Variants in MTMR6 observed in about 807,000 individuals in gnomAD.
The protein encoded by MTMR6 is phosphatidylinositol-3,5-bisphosphate 3-phosphatase MTMR6.
In MTMR6, 47 loss-of-function variants were observed where a neutral mutation model predicts 80.1. The ratio of observed to expected loss-of-function variants is 0.59; its 90% CI spans 0.46 to 0.75. The LOEUF is 0.75. Ranked by LOEUF, MTMR6 falls within the 30% of genes least tolerant of loss-of-function variation. The pLI, the probability that MTMR6 is intolerant of heterozygous loss-of-function variation, is 0.00. For missense variants in MTMR6, 629 were observed against 730.9 expected (o/e 0.86, Z 1.61); for synonymous variants, 254 against 253.0 (o/e 1.00, Z -0.04).
chr13:25,277,880 T>TC (rs1957759241), intron 1 of MTMR6, among the ~76,000 whole-genome samples: 1 of 152,214 alleles, frequency 6.6e-6, no homozygotes, highest in East Asian at 1.9e-4. Flanking sequence ...GTGAAAATGC[T>TC]CTTTCCAACA....
At chr13:25,270,999 C>T (rs1957562391) in intron 2 of MTMR6, among the ~76,000 whole-genome samples, 1 of 152,130 alleles carries the variant, frequency 6.6e-6, no homozygotes, top group Non-Finnish European at 1.5e-5. Context: ...ATCTAAGACT[C>T]ACAAAAGCCC....
chr13:25,267,695 T>C (rs1358739090), intron 3 of MTMR6, 84 bp downstream of exon 3: 11 of 1,374,062 alleles, frequency 8.0e-6, no homozygotes, highest in Non-Finnish European at 1.1e-5. Flanking sequence ...AAGGATAAAA[T>C]AACAATAATA....
chr13:25,250,489 G>A (rs1158414720), intron 13 of MTMR6, among the ~76,000 whole-genome samples: 1 of 152,074 alleles, frequency 6.6e-6, no homozygotes, highest in Admixed American at 6.5e-5. Flanking sequence ...AGGCAAATAT[G>A]CCAACAGAAA....
At chr13:25,254,166 CAAAAGGAAGGTAATAA>C (rs1439082014) in intron 10 of MTMR6, among the ~76,000 whole-genome samples, 1 of 151,966 alleles carries the variant, frequency 6.6e-6, no homozygotes, top group Non-Finnish European at 1.5e-5. Flanking sequence ...AAATGCAGCC[CAAAAGGAAGGTAATAA>C]ATAGTCATGA....
rs142754692 is a variant in MTMR6, at chr13:25,253,142, G to A, written c.1346+622C>T. Among the ~76,000 whole-genome samples the A allele has an allele frequency of 1.8e-3, 275 of 152,142 alleles. 3 individuals are homozygous for A. The highest frequency in any genetic ancestry group is 5.9e-3 in the African/African-American group (243 of 41,522). On this transcript the variant is annotated intron_variant, in intron 11 of 13. Coordinates refer to ENST00000381801, the MANE Select transcript of MTMR6 (RefSeq NM_004685.5). The stretch of plus-strand genomic sequence containing the variant: ...GCAAAAACCCCTATCCCCGAAGACT[G>A]GTCAGGAAATAACATGAACTAGGGT...
At position 25,262,125 on chromosome 13, in the gene MTMR6, T is replaced by A. The variant is rs75356591; in HGVS notation, c.592-323A>T. On this transcript the variant is annotated intron_variant, in intron 5 of 13. Coordinates refer to ENST00000381801, the MANE Select transcript of MTMR6 (RefSeq NM_004685.5). ...TCTGCGCTCCATTTAGATTACAGGATCCTTCCAACTGAAGTTCAAGTAAAA... is the reference window on the plus strand; with the variant it reads ...TCTGCGCTCCATTTAGATTACAGGAACCTTCCAACTGAAGTTCAAGTAAAA... Among the ~76,000 whole-genome samples, 747 of 152,276 alleles carry A rather than the reference T, an allele frequency of 4.9e-3. 31 individuals carry two copies. In the East Asian group the frequency reaches 0.092, roughly 19 times the overall value.
chr13:25,276,111 C>T (rs566037702), intron 1 of MTMR6, among the ~76,000 whole-genome samples: 1 of 152,094 alleles, frequency 6.6e-6, no homozygotes, highest in Non-Finnish European at 1.5e-5. Context: ...CTTCATTGTG[C>T]GTGACTTGGC....
intron 6 of MTMR6, chr13:25,260,689 T>C (rs1004299328): frequency 1.6e-6 from 2 of 1,254,068 alleles, no homozygotes; most frequent in Admixed American, 3.0e-5. Flanking sequence ...CATGCGACGC[T>C]ATAACAAAAA....
At chr13:25,285,824 G>A (rs1275001242) in intron 1 of MTMR6, among the ~76,000 whole-genome samples, 3 of 152,202 alleles carry the variant, frequency 2.0e-5, no homozygotes, top group East Asian at 1.9e-4. Flanking sequence ...GTGAGCCACC[G>A]TGCCCAGCCT....
intron 6 of MTMR6, among the ~76,000 whole-genome samples, chr13:25,258,977 G>A (rs946478628): frequency 3.7e-4 from 57 of 152,250 alleles, no homozygotes; most frequent in African/African-American, 1.3e-3. Flanking sequence ...CCATATGTTT[G>A]TAATATTTTA....
At chr13:25,259,246 C>T (rs1490534995) in intron 6 of MTMR6, among the ~76,000 whole-genome samples, 1 of 152,138 alleles carries the variant, frequency 6.6e-6, no homozygotes, top group Non-Finnish European at 1.5e-5. Context: ...TATCCTGATA[C>T]ATCTCTGAGA....
At chr13:25,256,078 A>C (rs1037048450) in intron 9 of MTMR6, among the ~76,000 whole-genome samples, 1 of 152,166 alleles carries the variant, frequency 6.6e-6, no homozygotes, top group African/African-American at 2.4e-5. Flanking sequence ...AAGAGGGGAA[A>C]GCCCCATTCC....
At chr13:25,264,386 C>A (rs1165397806) in intron 5 of MTMR6, among the ~76,000 whole-genome samples, 2 of 151,986 alleles carry the variant, frequency 1.3e-5, no homozygotes, top group Non-Finnish European at 2.9e-5. Context: ...AGGAAATTAT[C>A]AAAGAAATAG....
chr13:25,263,735 A>G (rs1957390839), intron 5 of MTMR6, among the ~76,000 whole-genome samples: 1 of 152,034 alleles, frequency 6.6e-6, no homozygotes. Flanking sequence ...AAAATATAAA[A>G]ATTAGCCAGG....
At chr13:25,276,873 ACTC>A (rs984801372) in intron 1 of MTMR6, among the ~76,000 whole-genome samples, 13 of 152,060 alleles carry the variant, frequency 8.5e-5, no homozygotes, top group African/African-American at 2.9e-4. Flanking sequence ...AATTTTCACA[ACTC>A]CTGTGTAGTA....
intron 3 of MTMR6, among the ~76,000 whole-genome samples, chr13:25,267,452 C>T (rs1957483516): frequency 6.6e-6 from 1 of 152,138 alleles, no homozygotes; most frequent in Non-Finnish European, 1.5e-5. Context: ...AAGTCATTCT[C>T]TTTGATTGTG....
intron 1 of MTMR6, among the ~76,000 whole-genome samples, chr13:25,285,477 A>G (rs1957937407): frequency 7.4e-6 from 1 of 134,504 alleles, no homozygotes; most frequent in Non-Finnish European, 1.5e-5. Context: ...GGCTCAAGCC[A>G]TCCTCCCATC....
At chr13:25,271,911 GTATGCTCTACTTGA>G (rs1416657037) in intron 2 of MTMR6, among the ~76,000 whole-genome samples, 1 of 152,132 alleles carries the variant, frequency 6.6e-6, no homozygotes, top group Non-Finnish European at 1.5e-5. Flanking sequence ...AGTTGGGAGG[GTATGCTCTACTTGA>G]TATCAAAATT....
chr13:25,251,599 C>T lies in MTMR6; in HGVS notation c.1605+50G>A, dbSNP rs533554917. On this transcript the variant is annotated intron_variant, in intron 13 of 13. Coordinates refer to ENST00000381801, the MANE Select transcript of MTMR6 (RefSeq NM_004685.5). This position sits in a 1 kb window ranked among gnomAD's most constrained non-coding sequence, Gnocchi z 4.1. ...CCAACAATACAAATATTAGTCTAAT[C>T]GTAAACTAATTTCACATTCCAAATA... The T allele has an allele frequency of 4.3e-6, 6 of 1,387,624 alleles. No individual in the cohort carries two copies. Among genetic ancestry groups the T allele is most frequent in the South Asian group, 2.6e-5 (2 of 78,398 alleles). 86.0% of individuals were successfully genotyped at this position (1,387,624 alleles called of 1,614,324 possible).
Sources: gnomAD v4.1 joint callset for allele counts (sites outside exome capture counted in the v4.1 genomes callset) on GRCh38, gnomAD v4.1.1 for gene constraint, Gnocchi (gnomAD v3.1) non-coding constraint, MANE v1.5 for transcripts, NCBI Gene and HGNC (gene_info 2026-07-23, HGNC 2026-07-21) for gene names.